Variants in DENND1B observed in about 807,000 individuals in gnomAD.
DENND1B encodes the protein DENN domain containing 1B, also known as DENN domain-containing protein 1B.
Under a neutral mutation model 90.1 loss-of-function variants are expected in DENND1B, and 59 were observed. That is an observed-to-expected ratio of 0.65 (90% CI 0.53 to 0.81). The LOEUF (loss-of-function observed/expected upper bound fraction) is 0.81, where lower values mean the gene tolerates loss of function less well. DENND1B is among the 40% of genes least tolerant of loss of function. DENND1B has a pLI of 0.00. For synonymous variants in DENND1B, 337 were observed against 324.6 expected (o/e 1.04, Z -0.41); for missense variants, 862 against 912.6 (o/e 0.94, Z 0.71).
At chr1:197,650,433 C>G (rs1286914656) in intron 7 of DENND1B, among the ~76,000 whole-genome samples, 2 of 152,128 alleles carry the variant, frequency 1.3e-5, no homozygotes, top group Non-Finnish European at 2.9e-5. Flanking sequence ...CAAACTAGTA[C>G]AGCCACTATG....
intron 20 of DENND1B, among the ~76,000 whole-genome samples, chr1:197,519,952 G>A (rs1378305910): frequency 6.6e-6 from 1 of 151,700 alleles, no homozygotes; most frequent in Non-Finnish European, 1.5e-5. Context: ...TAAATTCAAG[G>A]GGGATTATAA....
chr1:197,659,936 T>C (rs1654240763), intron 5 of DENND1B, among the ~76,000 whole-genome samples: 1 of 151,882 alleles, frequency 6.6e-6, no homozygotes, highest in African/African-American at 2.4e-5. Context: ...ATACAAAATG[T>C]TTATATTGAA....
At chr1:197,617,611 C>T (rs1191929737) in intron 11 of DENND1B, 48 bp downstream of exon 11, 1 of 1,362,164 alleles carries the variant, frequency 7.3e-7, no homozygotes, top group Admixed American at 1.8e-5. Flanking sequence ...AACAGATAAT[C>T]TAATCATGAA....
At chr1:197,675,267 C>T (rs186369651) in intron 3 of DENND1B, among the ~76,000 whole-genome samples, 22 of 152,040 alleles carry the variant, frequency 1.4e-4, no homozygotes, top group South Asian at 8.3e-4. Flanking sequence ...ATATTTAAAC[C>T]GTATACATAA....
chr1:197,648,499 AGG>A (rs2125928586), intron 7 of DENND1B, among the ~76,000 whole-genome samples: 1 of 152,330 alleles, frequency 6.6e-6, no homozygotes, highest in African/African-American at 2.4e-5. Flanking sequence ...TCAAATTTAA[AGG>A]GAGAACACAT....
chr1:197,600,437 A>C (rs1000327504), intron 13 of DENND1B, among the ~76,000 whole-genome samples: 5 of 151,688 alleles, frequency 3.3e-5, no homozygotes, highest in African/African-American at 1.2e-4. Context: ...GCTGTCCCTA[A>C]AAGGGATATG....
chr1:197,540,780 G>A (rs1158848050), intron 19 of DENND1B, among the ~76,000 whole-genome samples, 179 bp downstream of exon 19: 1 of 152,148 alleles, frequency 6.6e-6, no homozygotes, highest in Non-Finnish European at 1.5e-5. Flanking sequence ...AGATTATTCA[G>A]TGAATGCATA....
At chr1:197,775,923 C>G (rs983556361), upstream of DENND1B, among the ~76,000 whole-genome samples, 2 of 152,182 alleles carry the variant, frequency 1.3e-5, no homozygotes, top group African/African-American at 4.8e-5. Flanking sequence ...CTGCTTACAG[C>G]TCTCTGAAAT....
Position 197,642,850 on chromosome 1 carries a change from T to C in DENND1B, c.562-29A>G, listed in dbSNP as rs373814196. The C allele has an allele frequency of 2.6e-6, 4 of 1,520,048 alleles. No individual in the cohort carries two copies. In the African/African-American group the frequency reaches 5.5e-5, roughly 21 times the overall value. 94.2% of individuals were successfully genotyped at this position (1,520,048 alleles called of 1,614,324 possible). ...TACAAGTAAAAGATAATTGTGTAAG[T>C]TACAGCTCATAGTGAATGTGAAGAA... On this transcript the variant is annotated intron_variant, in intron 9 of 22. Transcript: ENST00000620048.
At chr1:197,594,109 C>A (rs1247799559) in intron 14 of DENND1B, among the ~76,000 whole-genome samples, 11 of 152,120 alleles carry the variant, frequency 7.2e-5, no homozygotes, top group Non-Finnish European at 5.9e-5. Context: ...AAAATATACA[C>A]ATATCTCAAA....
intron 10 of DENND1B, among the ~76,000 whole-genome samples, chr1:197,633,552 T>C (rs888400996): frequency 5.3e-5 from 8 of 152,180 alleles, no homozygotes; most frequent in African/African-American, 1.9e-4. Flanking sequence ...CTGGCTCCTA[T>C]TGTACCTGCA....
intron 2 of DENND1B, among the ~76,000 whole-genome samples, chr1:197,754,695 CA>C (rs1217585611): frequency 8.7e-6 from 1 of 115,572 alleles, no homozygotes; most frequent in African/African-American, 3.6e-5. Context: ...AAAACTGATA[CA>C]GTAAATCTAT....
Position 197,753,235 on chromosome 1 carries a change from C to G in DENND1B, c.82+19633G>C, listed in dbSNP as rs1042558495. ...CAAAAGACAAAAATATAAAATGCAC[C>G]AAAGAATTATTAATGCCAACATGAA... On this transcript the variant is annotated intron_variant, in intron 2 of 22. Transcript: ENST00000620048. 8.6e-5 allele frequency among the ~76,000 whole-genome samples: 13 copies of G among 151,714 alleles called. 1 individual carries two copies.
intron 2 of DENND1B, among the ~76,000 whole-genome samples, chr1:197,753,477 C>T (rs891274998): frequency 7.2e-5 from 11 of 151,926 alleles, no homozygotes; most frequent in African/African-American, 2.2e-4. Flanking sequence ...ATGGGGGATA[C>T]GTGTCATTAT....
At chr1:197,607,414 T>C (rs1181696259) in intron 12 of DENND1B, among the ~76,000 whole-genome samples, 1 of 150,832 alleles carries the variant, frequency 6.6e-6, no homozygotes, top group Non-Finnish European at 1.5e-5. Flanking sequence ...ATATTAAACA[T>C]AACTACAACA....
At chr1:197,641,112 C>T (rs1255350944) in intron 10 of DENND1B, among the ~76,000 whole-genome samples, 1 of 152,108 alleles carries the variant, frequency 6.6e-6, no homozygotes, top group Non-Finnish European at 1.5e-5. Context: ...TGTTTCATGC[C>T]AGTCGAATAT....
chr1:197,756,204 T>G (rs1654264553), intron 2 of DENND1B, among the ~76,000 whole-genome samples: 1 of 152,182 alleles, frequency 6.6e-6, no homozygotes, highest in African/African-American at 2.4e-5. Context: ...ATTAATACAT[T>G]CACCTGTTCC....
chr1:197,726,345 TC>T (rs1661633261), intron 2 of DENND1B, among the ~76,000 whole-genome samples: 1 of 152,152 alleles, frequency 6.6e-6, no homozygotes, highest in Non-Finnish European at 1.5e-5. Context: ...CCCTCCCTAC[TC>T]ACTTTGCAGA....
At chr1:197,737,293 T>G (rs1214791025) in intron 2 of DENND1B, among the ~76,000 whole-genome samples, 1 of 152,190 alleles carries the variant, frequency 6.6e-6, no homozygotes, top group Non-Finnish European at 1.5e-5. Flanking sequence ...GGCTTCAAAC[T>G]TTCAGATGCA....
Sources: gnomAD v4.1 joint callset for allele counts (sites outside exome capture counted in the v4.1 genomes callset) on GRCh38, gnomAD v4.1.1 for gene constraint, MANE v1.5 for transcripts, NCBI Gene and HGNC (gene_info 2026-07-23, HGNC 2026-07-21) for gene names.